The following ABCA13 variants were observed in gnomAD, a reference collection of about 807,000 sequenced individuals.
ABCA13 encodes ATP binding cassette subfamily A member 13.
Under a neutral mutation model 478.7 loss-of-function variants are expected in ABCA13, and 476 were observed. The ratio of observed to expected loss-of-function variants is 0.99; its 90% CI spans 0.92 to 1.07. The LOEUF (loss-of-function observed/expected upper bound fraction) is 1.07, where lower values mean the gene tolerates loss of function less well. Ranked by LOEUF, ABCA13 falls within the 50% of genes least tolerant of loss-of-function variation. The pLI, the probability that ABCA13 is intolerant of heterozygous loss-of-function variation, is 0.00. For missense variants in ABCA13, 6,060 were observed against 5,910.6 expected (o/e 1.03, Z -0.83); for synonymous variants, 2,252 against 2,158.9 (o/e 1.04, Z -1.20).
At chr7:48,298,067 G>A (rs2128841053) in intron 22 of ABCA13, among the ~76,000 whole-genome samples, 1 of 151,928 alleles carries the variant, frequency 6.6e-6, no homozygotes, top group Non-Finnish European at 1.5e-5. Flanking sequence ...ACAGGTGTGA[G>A]CCACCACACC....
chr7:48,267,233 T>G (rs1478562572), intron 15 of ABCA13, among the ~76,000 whole-genome samples: 1 of 152,132 alleles, frequency 6.6e-6, no homozygotes, highest in Non-Finnish European at 1.5e-5. Flanking sequence ...GTATCCTTAC[T>G]GATATTATGT....
intron 48 of ABCA13, among the ~76,000 whole-genome samples, chr7:48,492,486 C>T (rs1330183345): frequency 1.3e-5 from 2 of 152,136 alleles, no homozygotes; most frequent in East Asian, 1.9e-4. Flanking sequence ...ATTTCCCAGA[C>T]ACTGTGTTAG....
intron 20 of ABCA13, among the ~76,000 whole-genome samples, chr7:48,293,192 G>GCCCCACCCCCCCC (rs1554419599): frequency 1.8e-5 from 2 of 108,280 alleles, no homozygotes; most frequent in African/African-American, 6.1e-5. Flanking sequence ...GAAGTCTTCA[G>GCCCCACCCCCCCC]CCCCCCCCCC....
Position 48,278,271 on chromosome 7 carries a change from G to A in ABCA13, c.7077G>A (p.Leu2359=), listed in dbSNP as rs772901670. Residue 2359 remains leucine, a synonymous_variant, in exon 18 of 62, where the codon CTG becomes CTA. Transcript: ENST00000435803. ...TTTATTTTGATACTCATCAAGGACT[G>A]AAGTTCATGCAAGATTTATTTAATG... ...GEFYFDTHQG[L]KFMQDLFNAL... is the part of the protein sequence containing the mutation. The A allele has an allele frequency of 3.1e-6, 5 of 1,612,180 alleles. No individual in the cohort carries two copies. The Admixed American group carries it at 5.0e-5, about 16-fold the overall frequency.
At chr7:48,452,301 A>T (rs1238791185) in intron 42 of ABCA13, among the ~76,000 whole-genome samples, 1 of 152,206 alleles carries the variant, frequency 6.6e-6, no homozygotes, top group East Asian at 1.9e-4. Context: ...AGGAGATGAC[A>T]TTCAGAGAGG....
chr7:48,308,524 G>A (rs754984340), intron 23 of ABCA13, among the ~76,000 whole-genome samples: 17 of 151,964 alleles, frequency 1.1e-4, no homozygotes, highest in Non-Finnish European at 2.2e-4. Flanking sequence ...TGTTTACACC[G>A]GCACTGCCAC....
At chr7:48,228,088 T>C (rs1788498433) in intron 6 of ABCA13, among the ~76,000 whole-genome samples, 1 of 152,222 alleles carries the variant, frequency 6.6e-6, no homozygotes, top group African/African-American at 2.4e-5. Context: ...GTATGAATAA[T>C]GGGTTTTATT....
At chr7:48,447,406 T>C (rs1343605744) in intron 42 of ABCA13, among the ~76,000 whole-genome samples, 1 of 152,224 alleles carries the variant, frequency 6.6e-6, no homozygotes, top group East Asian at 1.9e-4. Flanking sequence ...ATAGAGATAC[T>C]TGGGAATACT....
chr7:48,523,846 C>T (rs35600681), intron 53 of ABCA13, among the ~76,000 whole-genome samples: 6 of 151,938 alleles, frequency 3.9e-5, no homozygotes, highest in African/African-American at 1.5e-4. Context: ...TACAATGTTT[C>T]AGTACTTTTA....
chr7:48,582,769 G>C (rs1343801275), intron 56 of ABCA13, among the ~76,000 whole-genome samples: 2 of 152,072 alleles, frequency 1.3e-5, no homozygotes, highest in Non-Finnish European at 2.9e-5. Flanking sequence ...AGTTTGATGA[G>C]GTAAGAATAA....
intron 42 of ABCA13, among the ~76,000 whole-genome samples, chr7:48,445,388 C>G (rs1824164014): frequency 1.3e-5 from 2 of 152,166 alleles, no homozygotes; most frequent in South Asian, 4.1e-4. Context: ...TTCTGGGACT[C>G]AAATTCTGCT....
In ABCA13 at chr7:48,516,847, T is replaced by C; in HGVS notation, c.13763T>C (p.Met4588Thr). 6.2e-7 allele frequency: 1 copy of C among 1,613,740 alleles called. No homozygotes were observed. The highest frequency in any genetic ancestry group is 8.5e-7 in the Non-Finnish European group (1 of 1,179,692). The change falls in exon 52 of 62, where the codon ATG becomes ACG. Residue 4588 changes from methionine (M) to threonine (T), a missense_variant. Around this residue, in one of 3 missense-constraint regions of ABCA13, gnomAD observed 1,627 missense variants for 1,571.0 expected, o/e 1.04. Coordinates refer to ENST00000435803, the MANE Select transcript of ABCA13 (RefSeq NM_152701.5). ...FGLCTMLITIMPRLLAIISKA... is the reference protein window; with the variant it reads ...FGLCTMLITITPRLLAIISKA... ...CTTTGTACCATGCTCATAACCATTA[T>C]GCCCCGGTTGCTAGCCATCATCTCC...
intron 55 of ABCA13, among the ~76,000 whole-genome samples, chr7:48,578,671 A>G (rs1036387568): frequency 9.8e-5 from 15 of 152,312 alleles, no homozygotes; most frequent in African/African-American, 3.6e-4. Flanking sequence ...TCAAAATCCC[A>G]GTGTTACTTT....
intron 55 of ABCA13, among the ~76,000 whole-genome samples, chr7:48,541,000 G>C (rs1358137180): frequency 2.0e-5 from 3 of 152,078 alleles, no homozygotes; most frequent in Admixed American, 2.0e-4. Context: ...AGTGAAGTAA[G>C]GAATTTAAGA....
At position 48,489,338 on chromosome 7, in the gene ABCA13, C is replaced by T; in HGVS notation, c.13285C>T (p.Gln4429Ter). ...CCTACCCCCTACTGTGGACTGGAGACAATACGGTAATGTTATTTTTCATGC... is the reference window on the plus strand; with the variant it reads ...CCTACCCCCTACTGTGGACTGGAGATAATACGGTAATGTTATTTTTCATGC... ...QHLPPTVDWRQYGITLYSHPY... is the reference protein window; with the variant it reads ...QHLPPTVDWR Residue 4429 changes from glutamine to a stop codon, truncating the protein, a stop_gained, in exon 48 of 62, where the codon CAA becomes TAA. Coordinates refer to ENST00000435803, the MANE Select transcript of ABCA13 (RefSeq NM_152701.5). LOFTEE classifies it high-confidence loss of function. 1.9e-6 allele frequency: 3 copies of T among 1,594,854 alleles called. No individual in the cohort carries two copies. The highest frequency in any genetic ancestry group is 2.6e-6 in the Non-Finnish European group (3 of 1,165,254).
At position 48,273,872 on chromosome 7, in the gene ABCA13, C is replaced by T. The variant is rs1357014742; in HGVS notation, c.4206C>T (p.Asn1402=). The T allele has an allele frequency of 6.2e-7, 1 of 1,612,632 alleles. No homozygotes were observed. The highest frequency in any genetic ancestry group is 1.1e-5 in the South Asian group (1 of 90,986). ...KGCIVWLDVI[N]HLYLLSNSSF... is the part of the protein sequence containing the mutation. ...GCATTGTATGGTTAGATGTCATAAA[C>T]CATTTGTATTTGTTGTCTAACTCCA... Residue 1402 remains asparagine (N), a synonymous_variant, in exon 17 of 62, where the codon AAC becomes AAT. Transcript: ENST00000435803.
chr7:48,536,738 G>C (rs1439198403), intron 55 of ABCA13, among the ~76,000 whole-genome samples: 1 of 151,822 alleles, frequency 6.6e-6, no homozygotes, highest in African/African-American at 2.4e-5. Context: ...TAAATAAGAG[G>C]TAGTTGATTA....
At position 48,367,879 on chromosome 7, in the gene ABCA13, G is replaced by A. The variant is rs568929494; in HGVS notation, c.10774G>A (p.Val3592Met). 7.6e-6 allele frequency: 12 copies of A among 1,579,454 alleles called. 1 individual carries two copies. The South Asian group carries it at 1.4e-4, about 18-fold the overall frequency. ...VSVASMVRKL[V>M]YEQEIQIEEY... is the part of the protein sequence containing the mutation. The stretch of plus-strand genomic sequence containing the variant: ...TGTGGCCAGCATGGTCAGAAAGTTG[G>A]TGTATGAGCAGGAGATACAGATAGA... Residue 3592 changes from valine to methionine, a missense_variant, in exon 32 of 62, where the codon GTG becomes ATG. Coordinates refer to ENST00000435803, the MANE Select transcript of ABCA13 (RefSeq NM_152701.5).
At chr7:48,218,954 A>G (rs1786904140) in intron 3 of ABCA13, among the ~76,000 whole-genome samples, 1 of 152,240 alleles carries the variant, frequency 6.6e-6, no homozygotes, top group African/African-American at 2.4e-5. Flanking sequence ...TTAAAAAACT[A>G]AAACATTCTC....
Sources: gnomAD v4.1 joint callset for allele counts (sites outside exome capture counted in the v4.1 genomes callset) on GRCh38, gnomAD v4.1.1 for gene constraint, gnomAD v4.1.1 regional missense constraint, MANE v1.5 for transcripts, NCBI Gene and HGNC (gene_info 2026-07-23, HGNC 2026-07-21) for gene names.